The following ZDHHC14 variants were observed in gnomAD, a reference collection of about 807,000 sequenced individuals.
ZDHHC14 encodes palmitoyltransferase ZDHHC14.
A neutral mutation model predicts 47.7 loss-of-function variants in ZDHHC14; 16 were observed. The observed-to-expected ratio is 0.34, with a 90% confidence interval of 0.23 to 0.51. The LOEUF (loss-of-function observed/expected upper bound fraction) is 0.51. ZDHHC14 is among the 20% of genes least tolerant of loss of function. The pLI is 0.97. For synonymous variants in ZDHHC14, 293 were observed against 278.9 expected, an observed-to-expected ratio of 1.05 and a Z score of -0.50; for missense variants, 515 against 662.5, an observed-to-expected ratio of 0.78 and a Z score of 2.44.
intron 3 of ZDHHC14, among the ~76,000 whole-genome samples, chr6:157,617,810 G>T (rs1785028116): frequency 6.6e-6 from 1 of 152,206 alleles, no homozygotes; most frequent in Non-Finnish European, 1.5e-5. Flanking sequence ...GCTGGTTCTA[G>T]ACACTGGCAA....
In ZDHHC14 at chr6:157,432,773, C is replaced by T. The variant is rs531621715; in HGVS notation, c.245+50507C>T. Among the ~76,000 whole-genome samples, 18 of 152,326 alleles carry T rather than the reference C, an allele frequency of 1.2e-4. No homozygotes were observed. The South Asian group carries it at 3.7e-3, about 32-fold the overall frequency. ...CCCCGTAAACCACTGACACGAGCCA[C>T]CTGTTTCAACCTATAGTGACACTAA... On this transcript the variant is annotated intron_variant, in intron 1 of 8. Coordinates refer to ENST00000359775, the MANE Select transcript of ZDHHC14 (RefSeq NM_024630.3).
rs1357698958 is a variant in ZDHHC14 at position 157,427,056 on chromosome 6, G to A, written c.245+44790G>A. ...CTAGAGGAAAAGGAGGAGAGGCACG[G>A]TGCGAGCTGGGGTGGCAGGGGAGCA... On this transcript the variant is annotated intron_variant, in intron 1 of 8. Transcript: ENST00000359775. This position sits in a 1 kb window ranked among gnomAD's most constrained non-coding sequence, Gnocchi z 4.4. Among the ~76,000 whole-genome samples, 1 of 152,122 alleles carries A rather than the reference G, an allele frequency of 6.6e-6. No homozygotes were observed. Among genetic ancestry groups the A allele is most frequent in the Non-Finnish European group, 1.5e-5 (1 of 68,018 alleles).
At chr6:157,640,028 G>C (rs1432908411) in intron 5 of ZDHHC14, among the ~76,000 whole-genome samples, 2 of 152,210 alleles carry the variant, frequency 1.3e-5, no homozygotes, top group Admixed American at 1.3e-4. Context: ...TCAGGTGCCT[G>C]TCCGGGAAGC....
Position 157,653,583 on chromosome 6 carries a change from A to G in ZDHHC14, c.1024A>G (p.Asn342Asp), listed in dbSNP as rs1308577753. The G allele has an allele frequency of 6.2e-7, 1 of 1,614,000 alleles. No individual in the cohort carries two copies. The highest frequency in any genetic ancestry group is 8.5e-7 in the Non-Finnish European group (1 of 1,179,972). The change falls in exon 8 of 9, where the codon AAT becomes GAT. Residue 342 changes from asparagine (N) to aspartate (D), a missense_variant. Physicochemically the swap from Asn to Asp is conservative, Grantham distance 23. Transcript: ENST00000359775. ...CACGCCGCAGCCAGCAGCACCCTCC[A>G]ATGGCATCACCATGTACGGGGCCAC... ...PDTPQPAAPS[N>D]GITMYGATQS...
At chr6:157,453,788 T>TTTTTTGTGTGTGTGTG (rs3220439) in intron 1 of ZDHHC14, among the ~76,000 whole-genome samples, 1 of 148,098 alleles carries the variant, frequency 6.8e-6, no homozygotes, top group Admixed American at 6.7e-5. Context: ...TTTTTGTGTT[T>TTTTTTGTGTGTGTGTG]TGTGTGTGTG....
intron 8 of ZDHHC14, among the ~76,000 whole-genome samples, chr6:157,661,545 TGGAA>T (rs1474817390): frequency 6.6e-6 from 1 of 152,164 alleles, no homozygotes; most frequent in Non-Finnish European, 1.5e-5. Context: ...TGAAAGATGA[TGGAA>T]GGAAAAGCTT....
At chr6:157,438,900 T>C (rs916298681) in intron 1 of ZDHHC14, among the ~76,000 whole-genome samples, 10 of 152,230 alleles carry the variant, frequency 6.6e-5, no homozygotes, top group Admixed American at 5.9e-4. Flanking sequence ...TTATAAGTGA[T>C]AAATTCAGAG....
At chr6:157,630,551 C>A (rs1785639780) in intron 4 of ZDHHC14, 1 of 151,888 alleles carries the variant, frequency 6.6e-6, no homozygotes. Flanking sequence ...CACCCACACT[C>A]TCACATACCC....
chr6:157,673,306 G>A lies in ZDHHC14; in HGVS notation c.*184G>A, dbSNP rs1778894055. ...GCTGGCCCCGGATGCTGAGAGCTTG[G>A]TTTCATTTGAATTTTCTTCCCCAAC... On this transcript the variant is annotated 3_prime_UTR_variant, in exon 9 of 9. Coordinates refer to ENST00000359775, the MANE Select transcript of ZDHHC14 (RefSeq NM_024630.3). The surrounding 1 kb of genome is among the most constrained non-coding windows in gnomAD (Gnocchi z 5.4). 1 of 726,572 alleles carries A rather than the reference G, an allele frequency of 1.4e-6. No homozygotes were observed. The allele number at this position is 726,572 out of a possible 1,614,324, so 45.0% of individuals were successfully genotyped here.
At chr6:157,668,387 A>G (rs1778644040) in intron 8 of ZDHHC14, among the ~76,000 whole-genome samples, 1 of 152,114 alleles carries the variant, frequency 6.6e-6, no homozygotes, top group Admixed American at 6.5e-5. Flanking sequence ...GATTTTTTAA[A>G]TTAAATGGCT....
chr6:157,619,193 C>A (rs1206894879), intron 3 of ZDHHC14, among the ~76,000 whole-genome samples: 1 of 150,748 alleles, frequency 6.6e-6, no homozygotes, highest in Non-Finnish European at 1.5e-5. Context: ...CCAGCCTGGC[C>A]AACATGGTGA....
intron 1 of ZDHHC14, among the ~76,000 whole-genome samples, chr6:157,398,038 C>A (rs1310175644): frequency 2.0e-5 from 3 of 149,594 alleles, no homozygotes; most frequent in Admixed American, 2.0e-4. Context: ...AGCCCCCCAG[C>A]TCCCCAGCTC....
chr6:157,595,739 A>G (rs1784102780), intron 3 of ZDHHC14, among the ~76,000 whole-genome samples: 1 of 152,136 alleles, frequency 6.6e-6, no homozygotes, highest in South Asian at 2.1e-4. Flanking sequence ...TGTTTCCAGT[A>G]TGATCCTCTC....
chr6:157,590,769 T>A (rs1220115093), intron 2 of ZDHHC14, among the ~76,000 whole-genome samples: 2 of 152,204 alleles, frequency 1.3e-5, no homozygotes, highest in Non-Finnish European at 2.9e-5. Flanking sequence ...GACCCCAGAA[T>A]GGTAGATCCA....
chr6:157,641,211 T>C lies in ZDHHC14; in HGVS notation c.753-4526T>C, dbSNP rs1280779877. ...AGAAATGAAGTAGTGAATTTTCTTC[T>C]GTGTATCTCTATGTGCACATATTAC... On this transcript the variant is annotated intron_variant, in intron 5 of 8. Coordinates refer to ENST00000359775, the MANE Select transcript of ZDHHC14 (RefSeq NM_024630.3). 3.9e-5 allele frequency among the ~76,000 whole-genome samples: 6 copies of C among 152,330 alleles called. No homozygotes were observed. In the East Asian group the frequency reaches 1.2e-3, roughly 29 times the overall value.
At chr6:157,592,949 C>T in intron 2 of ZDHHC14, 39 bp from the exon 3 acceptor site, 4 of 1,582,624 alleles carry the variant, frequency 2.5e-6, no homozygotes, top group Non-Finnish European at 3.4e-6. Flanking sequence ...CAGAGGGAGG[C>T]TCTGAAGGTG....
chr6:157,382,513 C>T (rs1042504742), intron 1 of ZDHHC14, among the ~76,000 whole-genome samples: 1 of 152,146 alleles, frequency 6.6e-6, no homozygotes, highest in African/African-American at 2.4e-5. Flanking sequence ...GGGGCCAGGC[C>T]TTGCCAATCC....
rs531456945 is a variant in ZDHHC14 at position 157,654,505 on chromosome 6, C to T, written c.1068+878C>T. 6.6e-5 allele frequency among the ~76,000 whole-genome samples: 10 copies of T among 152,276 alleles called. No individual in the cohort carries two copies. In the South Asian group the frequency reaches 1.0e-3, roughly 16 times the overall value. On this transcript the variant is annotated intron_variant, in intron 8 of 8. Coordinates refer to ENST00000359775, the MANE Select transcript of ZDHHC14 (RefSeq NM_024630.3). The stretch of plus-strand genomic sequence containing the variant: ...CAGAGCATCCATGACAGATCAGAGA[C>T]CTGACTTTCAGGTAGACTGGACGTG...
chr6:157,478,552 G>A (rs1249733465), intron 1 of ZDHHC14, among the ~76,000 whole-genome samples: 1 of 152,148 alleles, frequency 6.6e-6, no homozygotes, highest in African/African-American at 2.4e-5. Flanking sequence ...GTAAATGACT[G>A]GATTGGCTTT....
Sources: gnomAD v4.1 joint callset for allele counts (sites outside exome capture counted in the v4.1 genomes callset) on GRCh38, gnomAD v4.1.1 for gene constraint, Gnocchi (gnomAD v3.1) non-coding constraint, MANE v1.5 for transcripts, NCBI Gene and HGNC (gene_info 2026-07-23, HGNC 2026-07-21) for gene names.